Variants in ASCC3 observed in about 807,000 individuals in gnomAD.
ASCC3 encodes ASC-1 complex subunit P200.
A neutral mutation model predicts 256.3 loss-of-function variants in ASCC3; 158 were observed. The observed-to-expected ratio is 0.62, with a 90% confidence interval of 0.54 to 0.70. The LOEUF is 0.70. Among genes scored for constraint, ASCC3 ranks in the 30% least tolerant of loss-of-function variants. The probability of loss-of-function intolerance (pLI) is 0.00; values close to 1 mark genes in which losing one functional copy is unlikely to be tolerated. For synonymous variants in ASCC3, 948 were observed against 883.4 expected, an observed-to-expected ratio of 1.07 and a Z score of -1.30; for missense variants, 2,259 against 2,626.0, an observed-to-expected ratio of 0.86 and a Z score of 3.05.
At chr6:100,796,759 T>C (rs988337107) in intron 8 of ASCC3, among the ~76,000 whole-genome samples, 1 of 152,194 alleles carries the variant, frequency 6.6e-6, no homozygotes, top group African/African-American at 2.4e-5. Flanking sequence ...GTTTCTGCTC[T>C]TTAAGCCACC....
chr6:100,771,926 C>A (rs970498390), intron 8 of ASCC3, among the ~76,000 whole-genome samples: 1 of 125,934 alleles, frequency 7.9e-6, no homozygotes, highest in Admixed American at 9.7e-5. Flanking sequence ...GTCCCCCAGG[C>A]TGAGTTGCAG....
At chr6:100,721,086 G>T (rs1174868772) in intron 11 of ASCC3, among the ~76,000 whole-genome samples, 1 of 151,184 alleles carries the variant, frequency 6.6e-6, no homozygotes, top group Non-Finnish European at 1.5e-5. Flanking sequence ...ATATCTATGT[G>T]TCTTTGTACA....
intron 37 of ASCC3, among the ~76,000 whole-genome samples, chr6:100,521,394 C>G (rs1303044395): frequency 6.6e-6 from 1 of 152,086 alleles, no homozygotes; most frequent in African/African-American, 2.4e-5. Context: ...GGAGGATAGT[C>G]TATCCATGAA....
intron 3 of ASCC3, among the ~76,000 whole-genome samples, chr6:100,854,838 T>C (rs1335646991): frequency 6.6e-6 from 1 of 152,154 alleles, no homozygotes; most frequent in Non-Finnish European, 1.5e-5. Flanking sequence ...AAACAAATCA[T>C]ATAGCTCACT....
intron 3 of ASCC3, among the ~76,000 whole-genome samples, chr6:100,852,112 C>T (rs1772709662): frequency 6.6e-6 from 1 of 152,192 alleles, no homozygotes; most frequent in Admixed American, 6.5e-5. Flanking sequence ...GCAAAGGATG[C>T]ACCACAGCTT....
At chr6:100,533,394 T>A (rs1271894709) in intron 37 of ASCC3, among the ~76,000 whole-genome samples, 2 of 152,218 alleles carry the variant, frequency 1.3e-5, no homozygotes, top group East Asian at 3.8e-4. Flanking sequence ...AAAAGAATAT[T>A]GCTGCTAGAA....
chr6:100,530,333 C>A (rs1343969429), intron 37 of ASCC3: 1 of 1,431,590 alleles, frequency 7.0e-7, no homozygotes, highest in Non-Finnish European at 9.9e-7. Flanking sequence ...GATCTTCACA[C>A]AATCTAGTGA....
At position 100,508,468 on chromosome 6, in the gene ASCC3, T is replaced by C. The variant is rs1380803444; in HGVS notation, c.*918A>G. On this transcript the variant is annotated 3_prime_UTR_variant, in exon 42 of 42. Transcript: ENST00000369162. ...AATTTGTTTGGACATAGAGAAATTT[T>C]CTTTATTACAGGTGAAAACCTATCC... is the stretch of plus-strand genomic sequence containing the variant. 1 of 152,180 alleles carries C rather than the reference T, an allele frequency of 6.6e-6. No homozygotes were observed. Among genetic ancestry groups the C allele is most frequent in the East Asian group, 1.9e-4 (1 of 5,198 alleles). The allele number at this position is 152,180 out of a possible 1,614,324, so 9.4% of individuals were successfully genotyped here.
intron 16 of ASCC3, among the ~76,000 whole-genome samples, chr6:100,656,999 T>C (rs1264218427): frequency 6.6e-6 from 1 of 151,328 alleles, no homozygotes; most frequent in Non-Finnish European, 1.5e-5. Context: ...AAAACCTTCA[T>C]GTTTAACTCC....
At chr6:100,644,608 C>T (rs917303027) in intron 22 of ASCC3, among the ~76,000 whole-genome samples, 1 of 152,158 alleles carries the variant, frequency 6.6e-6, no homozygotes, top group African/African-American at 2.4e-5. Context: ...CTCTTACTCT[C>T]TCTGTCTCGC....
chr6:100,702,052 A>T (rs1778381421), intron 13 of ASCC3, among the ~76,000 whole-genome samples: 1 of 152,202 alleles, frequency 6.6e-6, no homozygotes, highest in Non-Finnish European at 1.5e-5. Context: ...TTTAAATGTC[A>T]TACTGGAACC....
chr6:100,611,573 T>G (rs993300739), intron 30 of ASCC3, among the ~76,000 whole-genome samples: 4 of 152,036 alleles, frequency 2.6e-5, no homozygotes, highest in African/African-American at 9.7e-5. Context: ...ATTATCACAT[T>G]TAATCCTTTA....
chr6:100,699,550 A>AGAGTGAGGTGCTG lies in ASCC3; in HGVS notation c.2151+15911_2151+15912insCAGCACCTCACTC, dbSNP rs1562235103. Among the ~76,000 whole-genome samples the AGAGTGAGGTGCTG allele has an allele frequency of 4.3e-3, 657 of 152,056 alleles. 20 individuals are homozygous for AGAGTGAGGTGCTG. Among genetic ancestry groups the AGAGTGAGGTGCTG allele is most frequent in the Admixed American group, 0.028 (435 of 15,288 alleles). On this transcript the variant is annotated intron_variant, in intron 13 of 41. Coordinates refer to ENST00000369162, the MANE Select transcript of ASCC3 (RefSeq NM_006828.4). ...ATTTGTACCAGTAGAGTGAGGTGCT[A>AGAGTGAGGTGCTG]CTGAAAAGATACTCAAAAATGTGCA...
At chr6:100,523,199 C>A (rs984549019) in intron 37 of ASCC3, among the ~76,000 whole-genome samples, 3 of 151,714 alleles carry the variant, frequency 2.0e-5, no homozygotes, top group Non-Finnish European at 4.4e-5. Context: ...ATATCTTGGG[C>A]AAATCACTTA....
intron 1 of ASCC3, among the ~76,000 whole-genome samples, chr6:100,878,809 A>G (rs1413845574): frequency 6.6e-6 from 1 of 152,204 alleles, no homozygotes; most frequent in Non-Finnish European, 1.5e-5. Context: ...GATGTCTGTG[A>G]CAAAATGTGT....
chr6:100,735,221 C>T (rs1780093971), intron 10 of ASCC3, among the ~76,000 whole-genome samples: 1 of 152,128 alleles, frequency 6.6e-6, no homozygotes, highest in Admixed American at 6.5e-5. Flanking sequence ...GACACCAAGA[C>T]TCCAATATCC....
At chr6:100,791,457 G>A (rs1562299032) in intron 8 of ASCC3, among the ~76,000 whole-genome samples, 1 of 151,896 alleles carries the variant, frequency 6.6e-6, no homozygotes, top group Admixed American at 6.6e-5. Context: ...GCAACATGAA[G>A]TCAAGAACTA....
At chr6:100,571,122 C>T (rs755147846) in intron 36 of ASCC3, among the ~76,000 whole-genome samples, 1 of 152,100 alleles carries the variant, frequency 6.6e-6, no homozygotes, top group South Asian at 2.1e-4. Context: ...GATGATGTCA[C>T]CTCTGCCTCC....
At chr6:100,750,526 T>C (rs2115092565) in intron 10 of ASCC3, among the ~76,000 whole-genome samples, 1 of 136,478 alleles carries the variant, frequency 7.3e-6, no homozygotes, top group East Asian at 2.0e-4. Flanking sequence ...CATACCAACA[T>C]TTGTGAAAAA....
Sources: allele counts gnomAD v4.1 joint callset (sites outside exome capture counted in the v4.1 genomes callset), GRCh38; gene constraint gnomAD v4.1.1; transcripts MANE v1.5; gene names NCBI Gene and HGNC (gene_info 2026-07-23, HGNC 2026-07-21).